Variants in WRAP53 observed in about 807,000 individuals in gnomAD.
WRAP53 encodes the protein WD repeat containing antisense to TP53.
In WRAP53, 28 loss-of-function variants were observed where a neutral mutation model predicts 56.6. The ratio of observed to expected loss-of-function variants is 0.50; its 90% CI spans 0.37 to 0.68. WRAP53 has a LOEUF of 0.68. Among genes scored for constraint, WRAP53 ranks in the 30% least tolerant of loss-of-function variants. The pLI is 0.00. For synonymous variants in WRAP53, 283 were observed against 283.4 expected (o/e 1.00, Z 0.01); for missense variants, 671 against 715.5 (o/e 0.94, Z 0.71).
intron 4 of WRAP53, among the ~76,000 whole-genome samples, chr17:7,699,494 A>ATATATT (rs2074239286): frequency 1.7e-4 from 2 of 11,660 alleles, no homozygotes; most frequent in South Asian, 3.0e-3. Flanking sequence ...ATATATATAT[A>ATATATT]TATATATTTA....
Position 7,700,775 on chromosome 17 carries a change from T to C in WRAP53, c.677T>C (p.Ile226Thr), listed in dbSNP as rs754956678. 1 of 1,613,176 alleles carries C rather than the reference T, an allele frequency of 6.2e-7. No individual in the cohort carries two copies. Among genetic ancestry groups the C allele is most frequent in the South Asian group, 1.1e-5 (1 of 91,074 alleles). ...PVLRMVEGDT[I>T]YDYCWYSLMS... ...CTTCGAATGGTGGAAGGTGATACCA[T>C]CTATGATTACTGCTGGTATTCTCTG... is the stretch of plus-strand genomic sequence containing the variant. Residue 226 changes from isoleucine (I) to threonine (T), a missense_variant, in exon 5 of 11, where the codon ATC becomes ACC. By Grantham distance (89) the Ile-to-Thr change is moderately conservative (BLOSUM62 -1). Around this residue, in one of 3 missense-constraint regions of WRAP53, gnomAD observed 406 missense variants for 418.5 expected, o/e 0.97. Transcript: ENST00000396463.
At chr17:7,696,157 G>C (rs2074181088) in intron 4 of WRAP53, among the ~76,000 whole-genome samples, 1 of 152,074 alleles carries the variant, frequency 6.6e-6, no homozygotes, top group Admixed American at 6.6e-5. Flanking sequence ...GATTCAGCCA[G>C]GAGGAGTCGT....
chr17:7,694,296 A>G (rs1597410805), intron 4 of WRAP53, among the ~76,000 whole-genome samples: 1 of 129,640 alleles, frequency 7.7e-6, no homozygotes, highest in Middle Eastern at 5.5e-3. Context: ...CAGGCTGGAG[A>G]GCAGTGGTGT....
chr17:7,688,875 C>T lies in WRAP53; in HGVS notation c.227C>T (p.Ser76Phe), dbSNP rs757516049. 2 of 1,614,196 alleles carry T rather than the reference C, an allele frequency of 1.2e-6. No individual in the cohort carries two copies. Among genetic ancestry groups the T allele is most frequent in the Non-Finnish European group, 1.7e-6 (2 of 1,180,032 alleles). The change falls in exon 2 of 11, where the codon TCC becomes TTC. Residue 76 changes from serine to phenylalanine, a missense_variant. Around this residue, in one of 3 missense-constraint regions of WRAP53, gnomAD observed 406 missense variants for 418.5 expected, o/e 0.97. Transcript: ENST00000396463. ...ELREGDPVSL[S>F]TPLETEFGSP... The stretch of plus-strand genomic sequence containing the variant: ...CGGGAGGGGGACCCAGTTTCTCTCT[C>T]CACTCCCCTGGAAACAGAGTTTGGT...
In WRAP53 at chr17:7,699,522, T is replaced by TTTTATATATATATATATA. The variant is rs1429418083; in HGVS notation, c.643-1218_643-1217insTTATATATATATATATAT. On this transcript the variant is annotated intron_variant, in intron 4 of 10. Coordinates refer to ENST00000396463, the MANE Select transcript of WRAP53 (RefSeq NM_001143992.2). ...TATATTTATATATATATATATATAT[T>TTTTATATATATATATATA]TATATATATATATATATTCCTAAGG... 2.1e-4 allele frequency among the ~76,000 whole-genome samples: 3 copies of TTTTATATATATATATATA among 14,110 alleles called. 1 individual carries two copies. The highest frequency in any genetic ancestry group is 1.3e-3 in the Admixed American group (1 of 772). 9.3% of individuals were successfully genotyped at this position (14,110 alleles called of 152,430 possible). A position where few individuals can be genotyped will look rare whatever the true frequency, so the allele number is the denominator to read the frequency against.
At position 7,689,629 on chromosome 17, in the gene WRAP53, T is replaced by C. The variant is rs1166289670; in HGVS notation, c.570T>C (p.Asp190=). 6.2e-7 allele frequency: 1 copy of C among 1,614,152 alleles called. No homozygotes were observed. Among genetic ancestry groups the C allele is most frequent in the Non-Finnish European group, 8.5e-7 (1 of 1,180,018 alleles). The change falls in exon 4 of 11, where the codon GAT becomes GAC. Residue 190 remains aspartate (D), a synonymous_variant. Transcript: ENST00000396463. ...CCTGCATCTTGACCAATAGTGCTGATAACATCTTGCGAATTTATAACCTGC... is the reference window on the plus strand; with the variant it reads ...CCTGCATCTTGACCAATAGTGCTGACAACATCTTGCGAATTTATAACCTGC... ...DGSCILTNSA[D]NILRIYNLPP...
Position 7,702,612 on chromosome 17 carries a change from A to G in WRAP53, c.1164+60A>G. 6.3e-7 allele frequency: 1 copy of G among 1,594,346 alleles called. No individual in the cohort carries two copies. Among genetic ancestry groups the G allele is most frequent in the Non-Finnish European group, 8.5e-7 (1 of 1,173,956 alleles). On this transcript the variant is annotated intron_variant, in intron 8 of 10. Coordinates refer to ENST00000396463, the MANE Select transcript of WRAP53 (RefSeq NM_001143992.2). The surrounding 1 kb of genome is among the most constrained non-coding windows in gnomAD (Gnocchi z 5.0). The stretch of plus-strand genomic sequence containing the variant: ...GGCAGCGGGGCAGGAGCAGGGATGT[A>G]GTCTGCAGTGTAGGGGAATGGGTGG...
chr17:7,690,914 A>AACAAAC (rs2074098849), intron 4 of WRAP53, among the ~76,000 whole-genome samples: 2 of 151,520 alleles, frequency 1.3e-5, no homozygotes, highest in East Asian at 1.9e-4. Flanking sequence ...TCCATCTCAA[A>AACAAAC]AAACAACAAA....
Position 7,702,911 on chromosome 17 carries a change from G to A in WRAP53, c.1268+65G>A, listed in dbSNP as rs1367683658. The A allele has an allele frequency of 9.3e-6, 15 of 1,612,772 alleles. No individual in the cohort carries two copies. The highest frequency in any genetic ancestry group is 1.3e-5 in the Non-Finnish European group (15 of 1,179,888). On this transcript the variant is annotated intron_variant, in intron 9 of 10. Coordinates refer to ENST00000396463, the MANE Select transcript of WRAP53 (RefSeq NM_001143992.2). This position sits in a 1 kb window ranked among gnomAD's most constrained non-coding sequence, Gnocchi z 5.0. ...AGCCTAGGAATGCCAGAGCCCAGCT[G>A]TAGGGTCCCAGTCCCTGGGTGTGAG...
At chr17:7,694,242 CTT>C (rs749740076) in intron 4 of WRAP53, among the ~76,000 whole-genome samples, 47 of 122,546 alleles carry the variant, frequency 3.8e-4, no homozygotes, top group South Asian at 1.0e-3. Flanking sequence ...TTTTTTCTTT[CTT>C]TTTTTTTTTT....
At position 7,689,098 on chromosome 17, in the gene WRAP53, G is replaced by A. The variant is rs1376478079; in HGVS notation, c.431+19G>A. On this transcript the variant is annotated intron_variant, in intron 2 of 10. Transcript: ENST00000396463. ...GAGACACGTAAGTGGTGATGGCAGT[G>A]GAGTGTGGAGTCTGGGGAGATGAAG... The A allele has an allele frequency of 5.6e-6, 9 of 1,614,142 alleles. No individual in the cohort carries two copies. The highest frequency in any genetic ancestry group is 6.8e-6 in the Non-Finnish European group (8 of 1,179,996).
chr17:7,701,981 G>C lies in WRAP53; in HGVS notation c.955+192G>C. On this transcript the variant is annotated intron_variant, in intron 7 of 10. Transcript: ENST00000396463. This position sits in a 1 kb window ranked among gnomAD's most constrained non-coding sequence, Gnocchi z 4.2. ...TAGGAAACCTTCCCAAGGCCAACCA[G>C]CTGGTCAAAGGACTGCTTCCTTCCT... 1.1e-6 allele frequency: 1 copy of C among 899,476 alleles called. No individual in the cohort carries two copies. Among genetic ancestry groups the C allele is most frequent in the Non-Finnish European group, 1.8e-6 (1 of 566,300 alleles). 55.7% of individuals were successfully genotyped at this position (899,476 alleles called of 1,614,324 possible).
Position 7,701,528 on chromosome 17 carries a change from C to A in WRAP53, c.801C>A (p.Ser267=). The A allele has an allele frequency of 6.2e-7, 1 of 1,614,242 alleles. No individual in the cohort carries two copies. The highest frequency in any genetic ancestry group is 8.5e-7 in the Non-Finnish European group (1 of 1,180,038). ...CATTCACTGGAGAGCTCCGGGCTTCCTTTCGCGCCTACAACCACCTGGTAG... is the reference window on the plus strand; with the variant it reads ...CATTCACTGGAGAGCTCCGGGCTTCATTTCGCGCCTACAACCACCTGGTAG... The part of the protein sequence containing the change: ...WDAFTGELRA[S]FRAYNHLDEL... Residue 267 remains serine (S), a synonymous_variant, in exon 6 of 11, where the codon TCC becomes TCA. Coordinates refer to ENST00000396463, the MANE Select transcript of WRAP53 (RefSeq NM_001143992.2). The surrounding 1 kb of genome is among the most constrained non-coding windows in gnomAD (Gnocchi z 4.2).
chr17:7,697,331 AAAGAAAAGAAAAAGAAAAAAGAG>A (rs1314303277), intron 4 of WRAP53, among the ~76,000 whole-genome samples: 3 of 150,204 alleles, frequency 2.0e-5, no homozygotes, highest in African/African-American at 7.4e-5. Context: ...AAAAAAAAAA[AAAGAAAAGAAAAAGAAAAAAGAG>A]AAGAAAAGAA....
chr17:7,688,644 G>A lies in WRAP53; in HGVS notation c.-1-4G>A, dbSNP rs1189137628. The A allele has an allele frequency of 6.2e-7, 1 of 1,614,160 alleles. No homozygotes were observed. The highest frequency in any genetic ancestry group is 1.3e-5 in the African/African-American group (1 of 75,046). ...GGCTAATCTCCGCTGTGCTTCCTCT[G>A]CAGTATGAAGACTTTGGAGACTCAA... On this transcript the variant is annotated splice_region_variant and splice_polypyrimidine_tract_variant and intron_variant, in intron 1 of 10. Transcript: ENST00000396463.
chr17:7,697,726 G>A (rs1330633490), intron 4 of WRAP53, among the ~76,000 whole-genome samples: 2 of 152,182 alleles, frequency 1.3e-5, no homozygotes, highest in Admixed American at 1.3e-4. Flanking sequence ...TAAATGGCCA[G>A]TAAACATAGA....
chr17:7,699,468 ATATATATT>A (rs1567577292), intron 4 of WRAP53, among the ~76,000 whole-genome samples: 7 of 15,468 alleles, frequency 4.5e-4, no homozygotes, highest in African/African-American at 1.0e-3. Context: ...TTATATATAT[ATATATATT>A]TATATATATA....
chr17:7,687,917 T>A (rs1188133425), upstream of WRAP53: 3 of 282,568 alleles, frequency 1.1e-5, no homozygotes, highest in Non-Finnish European at 2.0e-5. Flanking sequence ...CCAGATACTT[T>A]ATATCACACC....
chr17:7,688,447 C>A, upstream of WRAP53: 1 of 608,470 alleles, frequency 1.6e-6, no homozygotes, highest in East Asian at 2.8e-5. Context: ...CAGCAAGAGG[C>A]CCGTAGCGAC....
Sources: gnomAD v4.1 joint callset for allele counts (sites outside exome capture counted in the v4.1 genomes callset) on GRCh38, gnomAD v4.1.1 for gene constraint, gnomAD v4.1.1 regional missense constraint, Gnocchi (gnomAD v3.1) non-coding constraint, MANE v1.5 for transcripts, NCBI Gene and HGNC (gene_info 2026-07-23, HGNC 2026-07-21) for gene names.